The following STAU2 variants were observed in gnomAD, a reference collection of about 807,000 sequenced individuals.
STAU2 encodes the protein double-stranded RNA-binding protein Staufen homolog 2.
STAU2 carries 20 observed loss-of-function variants against 65.9 expected under a neutral mutation model. The observed-to-expected ratio is 0.30, with a 90% confidence interval of 0.21 to 0.44. The LOEUF is 0.44. Ranked by LOEUF, STAU2 falls within the 20% of genes least tolerant of loss-of-function variation. The pLI is 1.00. For synonymous variants in STAU2, 232 were observed against 233.9 expected, an observed-to-expected ratio of 0.99 and a Z score of 0.07; for missense variants, 558 against 683.9, an observed-to-expected ratio of 0.82 and a Z score of 2.05.
intron 6 of STAU2, among the ~76,000 whole-genome samples, chr8:73,671,094 C>A (rs1277337529): frequency 6.6e-6 from 1 of 151,350 alleles, no homozygotes; most frequent in Admixed American, 6.6e-5. Context: ...AAAAAAAAAA[C>A]TGTTCAGCCT....
chr8:73,559,606 G>A (rs966272353), intron 12 of STAU2, among the ~76,000 whole-genome samples: 1 of 152,194 alleles, frequency 6.6e-6, no homozygotes, highest in East Asian at 1.9e-4. Flanking sequence ...GAGTACATGT[G>A]ACCCAAGGGA....
At chr8:73,637,762 T>C (rs1431469729) in intron 6 of STAU2, among the ~76,000 whole-genome samples, 3 of 151,840 alleles carry the variant, frequency 2.0e-5, no homozygotes, top group Admixed American at 6.6e-5. Context: ...AGGGAAATGA[T>C]AGATATGTGG....
chr8:73,527,828 A>T, intron 13 of STAU2: 2 of 1,489,638 alleles, frequency 1.3e-6, no homozygotes, highest in Non-Finnish European at 1.8e-6. Context: ...CACGCAATCC[A>T]CTGAACACCA....
At chr8:73,502,387 C>T (rs1319147263) in intron 13 of STAU2, among the ~76,000 whole-genome samples, 2 of 151,972 alleles carry the variant, frequency 1.3e-5, no homozygotes, top group African/African-American at 4.8e-5. Context: ...CCCTGACCCA[C>T]TAGATAGCAT....
chr8:73,512,739 T>C (rs2128924673), intron 13 of STAU2, among the ~76,000 whole-genome samples: 1 of 152,262 alleles, frequency 6.6e-6, no homozygotes, highest in South Asian at 2.1e-4. Context: ...CTTCTTCCTT[T>C]CAAAGCTACA....
chr8:73,567,850 T>TG (rs140417084), intron 12 of STAU2, among the ~76,000 whole-genome samples: 14,660 of 151,788 alleles, frequency 0.097, 1,128 homozygotes, highest in East Asian at 0.43. Context: ...TCTTACTCGC[T>TG]GGGGGGGAGG....
chr8:73,654,663 A>AAAAAAAAAAAAAAAAAAAAT (rs1280392351), intron 6 of STAU2, among the ~76,000 whole-genome samples: 2 of 135,562 alleles, frequency 1.5e-5, no homozygotes, highest in Non-Finnish European at 1.6e-5. Context: ...AAAAAAAAAG[A>AAAAAAAAAAAAAAAAAAAAT]ACTCTTTTAA....
intron 6 of STAU2, among the ~76,000 whole-genome samples, chr8:73,656,371 G>A (rs1167648561): frequency 2.0e-5 from 3 of 152,202 alleles, no homozygotes; most frequent in African/African-American, 4.8e-5. Context: ...TTTTAATGAC[G>A]TGGCAATTGA....
intron 3 of STAU2, among the ~76,000 whole-genome samples, chr8:73,718,874 A>G (rs1372754440): frequency 6.6e-6 from 1 of 152,214 alleles, no homozygotes; most frequent in Non-Finnish European, 1.5e-5. Context: ...GTTTTTGCAT[A>G]CTGCTCTTCT....
chr8:73,663,514 G>A (rs775896684), intron 6 of STAU2, among the ~76,000 whole-genome samples: 15 of 151,930 alleles, frequency 9.9e-5, no homozygotes, highest in South Asian at 4.1e-4. Flanking sequence ...GTCAGGTAGT[G>A]TGGGCCAGCC....
chr8:73,659,317 C>A (rs1816646067), intron 6 of STAU2, among the ~76,000 whole-genome samples: 1 of 152,132 alleles, frequency 6.6e-6, no homozygotes, highest in African/African-American at 2.4e-5. Context: ...GCGGGCAGAT[C>A]ACCTGAGGTC....
chr8:73,604,485 C>T (rs1019519103), intron 9 of STAU2, among the ~76,000 whole-genome samples: 3 of 152,104 alleles, frequency 2.0e-5, no homozygotes, highest in Non-Finnish European at 2.9e-5. Context: ...CTGGCCTTGG[C>T]CTCCCAAAGT....
chr8:73,607,673 GT>G (rs757469119), intron 9 of STAU2, among the ~76,000 whole-genome samples: 1 of 150,178 alleles, frequency 6.7e-6, no homozygotes, highest in Non-Finnish European at 1.5e-5. Flanking sequence ...GGAGGAGGAG[GT>G]TGCGGTGAGC....
At chr8:73,721,177 A>G (rs1311070615) in intron 3 of STAU2, among the ~76,000 whole-genome samples, 1 of 148,604 alleles carries the variant, frequency 6.7e-6, no homozygotes, top group African/African-American at 2.5e-5. Context: ...ATAGTCCTAG[A>G]TACTCGGGGA....
At chr8:73,645,091 A>G (rs546121692) in intron 6 of STAU2, among the ~76,000 whole-genome samples, 37 of 152,312 alleles carry the variant, frequency 2.4e-4, no homozygotes, top group African/African-American at 8.4e-4. Flanking sequence ...TATGAGTACA[A>G]TAGTATCCTG....
chr8:73,496,502 C>T (rs1372903446), intron 13 of STAU2, among the ~76,000 whole-genome samples: 1 of 151,640 alleles, frequency 6.6e-6, no homozygotes, highest in Non-Finnish European at 1.5e-5. Flanking sequence ...ATAAGTTGTA[C>T]ATGTTTAGAT....
chr8:73,495,662 A>AATATATATATATATATATATAT (rs3032943), intron 13 of STAU2, among the ~76,000 whole-genome samples: 1,763 of 131,890 alleles, frequency 0.013, 22 homozygotes, highest in East Asian at 0.021. Context: ...CATAAAGCCA[A>AATATATATATATATATATATAT]ATATATATAT....
intron 9 of STAU2, among the ~76,000 whole-genome samples, chr8:73,609,921 T>C (rs990131397): frequency 2.6e-5 from 4 of 152,140 alleles, no homozygotes; most frequent in Non-Finnish European, 5.9e-5. Context: ...TTGATATAGA[T>C]TGCAATGAAA....
chr8:73,430,353 C>A (rs1817169670), intron 13 of STAU2, among the ~76,000 whole-genome samples: 1 of 152,144 alleles, frequency 6.6e-6, no homozygotes, highest in Admixed American at 6.5e-5. Context: ...GCAGGGCCTG[C>A]CGACCAGGTA....
Sources: allele counts gnomAD v4.1 joint callset (sites outside exome capture counted in the v4.1 genomes callset), GRCh38; gene constraint gnomAD v4.1.1; transcripts MANE v1.5; gene names NCBI Gene and HGNC (gene_info 2026-07-23, HGNC 2026-07-21).